Variants in INPP5E observed in about 807,000 individuals in gnomAD.
INPP5E encodes inositol polyphosphate-5-phosphatase E.
In INPP5E, 34 loss-of-function variants were observed where a neutral mutation model predicts 50.5. That is an observed-to-expected ratio of 0.67 (90% CI 0.51 to 0.90). INPP5E has a LOEUF of 0.90. Ranked by LOEUF, INPP5E falls within the 40% of genes least tolerant of loss-of-function variation. The pLI, the probability that INPP5E is intolerant of heterozygous loss-of-function variation, is 0.00. For missense variants in INPP5E, 942 were observed against 905.5 expected, an observed-to-expected ratio of 1.04 and a Z score of -0.52; for synonymous variants, 447 against 406.0, an observed-to-expected ratio of 1.10 and a Z score of -1.21.
At chr9:136,430,942 C>T (rs560146547) in intron 8 of INPP5E, 60 bp downstream of exon 8, 118 of 1,218,662 alleles carry the variant, frequency 9.7e-5, no homozygotes, top group Middle Eastern at 3.8e-4. Context: ...CATCGGTTCC[C>T]GGCTGTGGGA....
At chr9:136,432,655 C>T in intron 5 of INPP5E, 69 bp from the exon 6 acceptor site, 1 of 1,101,162 alleles carries the variant, frequency 9.1e-7, no homozygotes, top group Admixed American at 2.0e-5. Context: ...AGCGCCGCAC[C>T]TCTGGACTGT....
Position 136,430,332 on chromosome 9 carries a change from C to A in INPP5E, c.1747G>T (p.Asp583Tyr), listed in dbSNP as rs756888841. Residue 583 changes from aspartate (D) to tyrosine (Y), a missense_variant, in exon 9 of 10, where the codon GAC (aspartate) becomes TAC (tyrosine). Coordinates refer to ENST00000371712, the MANE Select transcript of INPP5E (RefSeq NM_019892.6). ...AAGAGGCCATACACAGGGCGGTGGT[C>A]GGACGTCTTGATCCCGGGGCAGGAA... ...YSSCPGIKTS[D>Y]HRPVYGLFRV... The A allele has an allele frequency of 6.4e-7, 1 of 1,552,714 alleles. No individual in the cohort carries two copies. Among genetic ancestry groups the A allele is most frequent in the Non-Finnish European group, 8.7e-7 (1 of 1,147,398 alleles).
At chr9:136,432,084 G>C in intron 6 of INPP5E, 99 bp from the exon 7 acceptor site, 2 of 1,477,862 alleles carry the variant, frequency 1.4e-6, no homozygotes, top group Non-Finnish European at 1.9e-6. Context: ...GGGGAAGTGG[G>C]TCTTGGGCGC....
At chr9:136,434,447 G>C (rs544449560) in intron 2 of INPP5E, among the ~76,000 whole-genome samples, 3 of 150,820 alleles carry the variant, frequency 2.0e-5, no homozygotes, top group Admixed American at 6.6e-5. Flanking sequence ...CGCGTGCCCC[G>C]CTGGCCGCCC....
intron 3 of INPP5E, 90 bp downstream of exon 3, chr9:136,433,947 G>A (rs1835770209): frequency 6.7e-6 from 7 of 1,047,542 alleles, no homozygotes; most frequent in African/African-American, 3.2e-5. Flanking sequence ...CTGCAGACCC[G>A]TGCCCAGCCA....
intron 1 of INPP5E, 86 bp downstream of exon 1, chr9:136,438,522 T>A (rs1376934389): frequency 3.3e-6 from 4 of 1,206,924 alleles, no homozygotes; most frequent in African/African-American, 3.0e-5. Context: ...TAAACGCTGC[T>A]GATGGGAACG....
chr9:136,432,536 G>A lies in INPP5E; in HGVS notation c.1330C>T (p.Gln444Ter). The change falls in exon 6 of 10, where the codon CAA becomes TAA. Residue 444 changes from glutamine (Q) to a stop codon, truncating the protein, a stop_gained. Transcript: ENST00000371712. LOFTEE classifies it high-confidence loss of function. Reference protein sequence around the residue: ...ERLLDYTRTVQALVLPRNVPD... With the variant: ...ERLLDYTRTV ...ACATTTCTGGGCAGGACCAGGGCTT[G>A]TACAGTCCTGGTGTAGTCCAGCAGC... 1 of 1,551,268 alleles carries A rather than the reference G, an allele frequency of 6.4e-7. No individual in the cohort carries two copies. The highest frequency in any genetic ancestry group is 8.7e-7 in the Non-Finnish European group (1 of 1,147,192).
Position 136,429,621 on chromosome 9 carries a change from T to A in INPP5E, c.*54A>T. 6.2e-7 allele frequency: 1 copy of A among 1,607,194 alleles called. No individual in the cohort carries two copies. Among genetic ancestry groups the A allele is most frequent in the Non-Finnish European group, 8.5e-7 (1 of 1,176,862 alleles). On this transcript the variant is annotated 3_prime_UTR_variant, in exon 10 of 10. Coordinates refer to ENST00000371712, the MANE Select transcript of INPP5E (RefSeq NM_019892.6). ...AAACTCTTTGTCCTTCCCAGTGGGT[T>A]TTGATCAATACAATCACCCCACGTT...
At chr9:136,430,207 C>T in intron 9 of INPP5E, 70 bp downstream of exon 9, 1 of 1,535,562 alleles carries the variant, frequency 6.5e-7, no homozygotes, top group Non-Finnish European at 8.8e-7. Context: ...ATGACAGGGA[C>T]CCTCTTAGCT....
chr9:136,429,917 G>T, intron 9 of INPP5E, 110 bp from the exon 10 acceptor site: 2 of 825,218 alleles, frequency 2.4e-6, no homozygotes, highest in Admixed American at 2.0e-5. Flanking sequence ...CCAGGGCCAG[G>T]ATGAGGGGCT....
intron 1 of INPP5E, chr9:136,437,884 G>A (rs943906765): frequency 1.3e-5 from 2 of 153,334 alleles, no homozygotes; most frequent in Admixed American, 6.5e-5. Context: ...AGAGGTCATG[G>A]GTTCAGCTGC....
rs1452197900 is a variant in INPP5E, at chr9:136,431,039, T to C, written c.1628A>G (p.Tyr543Cys). The C allele has an allele frequency of 6.2e-7, 1 of 1,613,166 alleles. No individual in the cohort carries two copies. Among genetic ancestry groups the C allele is most frequent in the South Asian group, 1.1e-5 (1 of 91,072 alleles). ...CGTCCTCTGCTTGGAGGTGCTGTCG[T>C]ACGTGTCCTTCCCGATGTCAAACTT... ...SYKFDIGKDT[Y>C]DSTSKQRTPS... The change falls in exon 8 of 10, where the codon TAC (tyrosine) becomes TGC (cysteine). Residue 543 changes from tyrosine (Y) to cysteine (C), a missense_variant. Tyr to Cys is a radical substitution (Grantham distance 194). Transcript: ENST00000371712.
At chr9:136,436,117 CG>C (rs1418457013) in intron 1 of INPP5E, 1 of 149,026 alleles carries the variant, frequency 6.7e-6, no homozygotes, top group African/African-American at 2.5e-5. Flanking sequence ...ACCCTGGCTG[CG>C]GCTCACCAAG....
chr9:136,434,048 G>A lies in INPP5E; in HGVS notation c.1023C>T (p.Gly341=). The change falls in exon 3 of 10, where the codon GGC becomes GGT. Residue 341 remains glycine, a synonymous_variant. Transcript: ENST00000371712. ...TGCAGCCGCCCTACCTGTCAGAACA[G>A]CCCTCCTGGACCCCGATGACATACA... is the stretch of plus-strand genomic sequence containing the variant. ...QDLYVIGVQE[G]CSDRREWETR... 1 of 1,608,336 alleles carries A rather than the reference G, an allele frequency of 6.2e-7. No homozygotes were observed. Among genetic ancestry groups the A allele is most frequent in the Non-Finnish European group, 8.5e-7 (1 of 1,178,552 alleles).
In INPP5E at chr9:136,430,315, A is replaced by ATAC; in HGVS notation, c.1761_1763dup (p.Val587_Tyr588insTer). 6.4e-7 allele frequency: 1 copy of ATAC among 1,551,982 alleles called. No individual in the cohort carries two copies. On this transcript the variant is annotated stop_gained, in exon 9 of 10. Coordinates refer to ENST00000371712, the MANE Select transcript of INPP5E (RefSeq NM_019892.6). LOFTEE classifies it high-confidence loss of function. Reference sequence around the variant, plus strand: ...GCCTCACTTTCACCCGGAAGAGGCCATACACAGGGCGGTGGTCGGACGTCT... The same window carrying ATAC: ...GCCTCACTTTCACCCGGAAGAGGCCATACTACACAGGGCGGTGGTCGGACGTCT...
At position 136,430,337 on chromosome 9, in the gene INPP5E, G is replaced by A. The variant is rs943471686; in HGVS notation, c.1742C>T (p.Thr581Met). Residue 581 changes from threonine to methionine, a missense_variant, in exon 9 of 10, where the codon ACG becomes ATG. Coordinates refer to ENST00000371712, the MANE Select transcript of INPP5E (RefSeq NM_019892.6). ...GCCATACACAGGGCGGTGGTCGGACGTCTTGATCCCGGGGCAGGAAGAGTA... is the reference window on the plus strand; with the variant it reads ...GCCATACACAGGGCGGTGGTCGGACATCTTGATCCCGGGGCAGGAAGAGTA... ...VSYSSCPGIK[T>M]SDHRPVYGLF... The A allele has an allele frequency of 1.1e-5, 17 of 1,553,124 alleles. No homozygotes were observed. The Admixed American group carries it at 2.2e-4, about 20-fold the overall frequency.
Position 136,433,210 on chromosome 9 carries a change from G to A in INPP5E, c.1104C>T (p.His368=), listed in dbSNP as rs148592275. 80 of 1,589,222 alleles carry A rather than the reference G, an allele frequency of 5.0e-5. No homozygotes were observed. The East Asian group carries it at 5.8e-4, about 12-fold the overall frequency. ...PHYVLLSSAA[H]GVLYMSLFIR... is the part of the protein sequence containing the mutation. ...TGAAGAGCGACATGTAGAGCACGCC[G>A]TGGGCCGCCGAGGACAGCAGCACAT... The change falls in exon 4 of 10, where the codon CAC becomes CAT. Residue 368 remains histidine, a synonymous_variant. Transcript: ENST00000371712.
Position 136,438,841 on chromosome 9 carries a change from T to C in INPP5E, c.579A>G (p.Pro193=). Residue 193 remains proline (P), a synonymous_variant, in exon 1 of 10, where the codon CCA becomes CCG. Transcript: ENST00000371712. ...PRLPSLLPPR[P]PPALSLDIAS... The stretch of plus-strand genomic sequence containing the variant: ...CGATGTCCAGGCTCAGGGCAGGCGG[T>C]GGGCGCGGGGGCAGCAGGCTGGGCA... 2 of 1,608,028 alleles carry C rather than the reference T, an allele frequency of 1.2e-6. No homozygotes were observed. Among genetic ancestry groups the C allele is most frequent in the Non-Finnish European group, 1.7e-6 (2 of 1,177,842 alleles).
intron 1 of INPP5E, chr9:136,436,376 C>G (rs994826480): frequency 2.0e-5 from 3 of 152,354 alleles, no homozygotes; most frequent in Admixed American, 6.5e-5. Flanking sequence ...CGTGGTCAGT[C>G]TGCCCAGCTC....
Sources: allele counts gnomAD v4.1 joint callset (sites outside exome capture counted in the v4.1 genomes callset), GRCh38; gene constraint gnomAD v4.1.1; transcripts MANE v1.5; gene names NCBI Gene and HGNC (gene_info 2026-07-23, HGNC 2026-07-21).